The following STXBP5L variants were observed in gnomAD, a reference collection of about 807,000 sequenced individuals.
STXBP5L encodes syntaxin binding protein 5L.
A neutral mutation model predicts 144.5 loss-of-function variants in STXBP5L; 65 were observed. That is an observed-to-expected ratio of 0.45 (90% CI 0.37 to 0.55). The LOEUF (loss-of-function observed/expected upper bound fraction) is 0.55, where lower values mean the gene tolerates loss of function less well. Ranked by LOEUF, STXBP5L falls within the 20% of genes least tolerant of loss-of-function variation. The probability of loss-of-function intolerance (pLI) is 0.00; values close to 1 mark genes in which losing one functional copy is unlikely to be tolerated. For missense variants in STXBP5L, 1,298 were observed against 1,405.5 expected (o/e 0.92, Z 1.22); for synonymous variants, 505 against 469.6 (o/e 1.08, Z -0.97).
At chr3:121,255,752 C>A (rs1003084674) in intron 16 of STXBP5L, among the ~76,000 whole-genome samples, 2 of 151,686 alleles carry the variant, frequency 1.3e-5, no homozygotes, top group Admixed American at 1.3e-4. Context: ...TATGGGGCAA[C>A]CTTACCTAAT....
At chr3:121,053,435 C>T (rs1948187968) in intron 5 of STXBP5L, among the ~76,000 whole-genome samples, 1 of 152,142 alleles carries the variant, frequency 6.6e-6, no homozygotes, top group Non-Finnish European at 1.5e-5. Flanking sequence ...AGAAATAATT[C>T]TGCATATCTA....
intron 10 of STXBP5L, among the ~76,000 whole-genome samples, chr3:121,213,093 G>A (rs948407896): frequency 6.6e-6 from 1 of 152,178 alleles, no homozygotes; most frequent in African/African-American, 2.4e-5. Flanking sequence ...TTGCTTATCA[G>A]CTTAAGGAGA....
In STXBP5L at chr3:121,095,651, A is replaced by G. The variant is rs370071872; in HGVS notation, c.471-19274A>G. 3.3e-5 allele frequency among the ~76,000 whole-genome samples: 5 copies of G among 151,994 alleles called. No homozygotes were observed. The East Asian group carries it at 5.8e-4, about 18-fold the overall frequency. ...TTTAGCTCCATCAGGTCATTTAAGG[A>G]CTTCTGTACATTGGTTATTCTAGTT... is the stretch of plus-strand genomic sequence containing the variant. On this transcript the variant is annotated intron_variant, in intron 5 of 26. Transcript: ENST00000471454.
In STXBP5L at chr3:121,293,908, G is replaced by A. The variant is rs183142808; in HGVS notation, c.2110+13952G>A. Among the ~76,000 whole-genome samples the A allele has an allele frequency of 1.2e-3, 181 of 152,256 alleles. 1 individual carries two copies. Among genetic ancestry groups the A allele is most frequent in the Non-Finnish European group, 5.3e-4 (36 of 68,008 alleles). On this transcript the variant is annotated intron_variant, in intron 19 of 26. Coordinates refer to ENST00000471454, the MANE Select transcript of STXBP5L (RefSeq NM_001308330.2). The stretch of plus-strand genomic sequence containing the variant: ...AATAGAAGGTTCTAGGATGGTAAAG[G>A]ACTTAACTATATCATCTAGAAACAG...
intron 8 of STXBP5L, among the ~76,000 whole-genome samples, chr3:121,156,947 C>G (rs966896828): frequency 1.3e-5 from 2 of 151,866 alleles, no homozygotes; most frequent in African/African-American, 4.8e-5. Flanking sequence ...TAACTAATCC[C>G]CAGTGGATAC....
In STXBP5L at chr3:121,331,841, T is replaced by A. The variant is rs2044329860; in HGVS notation, c.2176+13301T>A. On this transcript the variant is annotated intron_variant, in intron 20 of 26. Transcript: ENST00000471454. ...AACTAAATAAAAAAGTGCACACCAATGGGGAACAAGATAAGCTTCCAGAAA... is the reference window on the plus strand; with the variant it reads ...AACTAAATAAAAAAGTGCACACCAAAGGGGAACAAGATAAGCTTCCAGAAA... Among the ~76,000 whole-genome samples, 6 of 152,088 alleles carry A rather than the reference T, an allele frequency of 3.9e-5. No individual in the cohort carries two copies. The South Asian group carries it at 1.2e-3, about 31-fold the overall frequency.
intron 20 of STXBP5L, among the ~76,000 whole-genome samples, chr3:121,350,703 A>G (rs2045241669): frequency 6.6e-6 from 1 of 151,762 alleles, no homozygotes; most frequent in African/African-American, 2.4e-5. Context: ...ACTTCATTTC[A>G]TTCATTTGAT....
At chr3:121,371,795 A>C (rs970436739) in intron 20 of STXBP5L, among the ~76,000 whole-genome samples, 6 of 152,138 alleles carry the variant, frequency 3.9e-5, no homozygotes, top group Non-Finnish European at 1.5e-5. Context: ...TTCTGTGCCT[A>C]ATTTTGCACC....
At chr3:121,227,749 C>T (rs1172196930) in intron 11 of STXBP5L, among the ~76,000 whole-genome samples, 1 of 152,042 alleles carries the variant, frequency 6.6e-6, no homozygotes, top group Admixed American at 6.6e-5. Flanking sequence ...ATTTTGGTGG[C>T]ATACAATCAT....
At chr3:120,983,582 C>T (rs927315120) in intron 3 of STXBP5L, among the ~76,000 whole-genome samples, 4 of 152,100 alleles carry the variant, frequency 2.6e-5, no homozygotes, top group Non-Finnish European at 5.9e-5. Flanking sequence ...CACATGAGTT[C>T]GAAAATGCCT....
intron 18 of STXBP5L, among the ~76,000 whole-genome samples, chr3:121,277,727 G>A (rs752006415): frequency 1.3e-5 from 2 of 150,982 alleles, no homozygotes; most frequent in African/African-American, 2.4e-5. Context: ...GGTATTTTGT[G>A]CCTTTTTTTA....
At chr3:120,975,865 G>A (rs1356274012) in intron 3 of STXBP5L, among the ~76,000 whole-genome samples, 1 of 151,936 alleles carries the variant, frequency 6.6e-6, no homozygotes, top group Non-Finnish European at 1.5e-5. Flanking sequence ...TGTGTATATT[G>A]AACCAGCCTT....
intron 19 of STXBP5L, among the ~76,000 whole-genome samples, chr3:121,302,100 G>C (rs2051936910): frequency 6.6e-6 from 1 of 152,112 alleles, no homozygotes; most frequent in South Asian, 2.1e-4. Flanking sequence ...TCTATTGATT[G>C]GAATAGTTTC....
intron 3 of STXBP5L, among the ~76,000 whole-genome samples, chr3:121,039,707 G>T (rs1206221247): frequency 6.6e-6 from 1 of 151,348 alleles, no homozygotes; most frequent in Non-Finnish European, 1.5e-5. Context: ...CTTAATTTTG[G>T]TCATTATTTA....
chr3:121,029,256 A>C (rs1946186573), intron 3 of STXBP5L, among the ~76,000 whole-genome samples: 1 of 152,220 alleles, frequency 6.6e-6, no homozygotes, highest in Non-Finnish European at 1.5e-5. Context: ...AGCTGGAGGC[A>C]TCACGCTATG....
At chr3:121,104,140 A>C (rs2043571046) in intron 5 of STXBP5L, among the ~76,000 whole-genome samples, 1 of 152,168 alleles carries the variant, frequency 6.6e-6, no homozygotes, top group Admixed American at 6.5e-5. Flanking sequence ...AAATCTTTTG[A>C]CCATATATTT....
intron 20 of STXBP5L, among the ~76,000 whole-genome samples, chr3:121,319,645 A>G (rs1312154142): frequency 1.3e-5 from 2 of 152,158 alleles, no homozygotes; most frequent in African/African-American, 4.8e-5. Context: ...TATCATACAA[A>G]TATTCTAGTA....
intron 19 of STXBP5L, among the ~76,000 whole-genome samples, chr3:121,315,180 G>A (rs1297003272): frequency 6.6e-6 from 1 of 152,108 alleles, no homozygotes; most frequent in African/African-American, 2.4e-5. Context: ...AAAGACACAT[G>A]CACACGTATG....
intron 19 of STXBP5L, among the ~76,000 whole-genome samples, chr3:121,311,374 G>C (rs1458724654): frequency 6.6e-6 from 1 of 152,166 alleles, no homozygotes; most frequent in Non-Finnish European, 1.5e-5. Flanking sequence ...GGTATTTATT[G>C]TGGCTTTATT....
Sources: allele counts gnomAD v4.1 joint callset (sites outside exome capture counted in the v4.1 genomes callset), GRCh38; gene constraint gnomAD v4.1.1; transcripts MANE v1.5; gene names NCBI Gene and HGNC (gene_info 2026-07-23, HGNC 2026-07-21).